Variants in SNED1 observed in about 807,000 individuals in gnomAD.
SNED1 encodes sushi, nidogen and EGF-like domain-containing protein 1.
A neutral mutation model predicts 166.7 loss-of-function variants in SNED1; 81 were observed. That is an observed-to-expected ratio of 0.49 (90% CI 0.41 to 0.58). The LOEUF (loss-of-function observed/expected upper bound fraction) is 0.58, where lower values mean the gene tolerates loss of function less well. SNED1 is among the 20% of genes least tolerant of loss of function. The pLI is 0.00. For synonymous variants in SNED1, 762 were observed against 822.0 expected (o/e 0.93, Z 1.25); for missense variants, 1,604 against 2,000.2 (o/e 0.80, Z 3.78).
At chr2:241,036,954 C>T (rs2061391076) in intron 5 of SNED1, 39 bp downstream of exon 5, 2 of 1,580,062 alleles carry the variant, frequency 1.3e-6, no homozygotes, top group East Asian at 4.6e-5. Flanking sequence ...CCGCTGGCTG[C>T]GCTGGGCTCA....
Position 241,068,315 on chromosome 2 carries a change from C to T in SNED1, c.3194+368C>T, listed in dbSNP as rs2062549288. ...AGCAGCCCCGAGCTCTCCCAGGAGT[C>T]CCACAGTGGACCCCTCAGAGAGCAG... On this transcript the variant is annotated intron_variant, in intron 22 of 31. Transcript: ENST00000310397. The surrounding 1 kb of genome is among the most constrained non-coding windows in gnomAD (Gnocchi z 5.3). 2.1e-5 allele frequency among the ~76,000 whole-genome samples: 3 copies of T among 142,502 alleles called. No individual in the cohort carries two copies. The highest frequency in any genetic ancestry group is 9.1e-5 in the African/African-American group (3 of 33,044). The allele number at this position is 142,502 out of a possible 152,430, so 93.5% of individuals were successfully genotyped here.
Position 241,073,055 on chromosome 2 carries a change from G to A in SNED1, c.3818-211G>A, listed in dbSNP as rs555905188. On this transcript the variant is annotated intron_variant, in intron 26 of 31. Coordinates refer to ENST00000310397, the MANE Select transcript of SNED1 (RefSeq NM_001080437.3). The surrounding 1 kb of genome is among the most constrained non-coding windows in gnomAD (Gnocchi z 6.6). ...GAGGGGGCCCTGCAAGGGGAAGGCCGAGCCCCTCCAGAGGGTCAGCAGGAG... is the reference window on the plus strand; with the variant it reads ...GAGGGGGCCCTGCAAGGGGAAGGCCAAGCCCCTCCAGAGGGTCAGCAGGAG... 25 of 551,686 alleles carry A rather than the reference G, an allele frequency of 4.5e-5. No individual in the cohort carries two copies. The highest frequency in any genetic ancestry group is 1.9e-4 in the African/African-American group (10 of 53,168). The allele number at this position is 551,686 out of a possible 1,614,324, so 34.2% of individuals were successfully genotyped here. A position where few individuals can be genotyped will look rare whatever the true frequency, so the allele number is the denominator to read the frequency against.
At chr2:241,078,255 C>G (rs370938655) in intron 27 of SNED1, among the ~76,000 whole-genome samples, 1 of 151,552 alleles carries the variant, frequency 6.6e-6, no homozygotes, top group East Asian at 1.9e-4. Flanking sequence ...TGGTGGCGGG[C>G]GCCTGTAGTC....
Position 241,041,120 on chromosome 2 carries a change from G to A in SNED1, c.1273+707G>A, listed in dbSNP as rs181590749. On this transcript the variant is annotated intron_variant, in intron 8 of 31. Coordinates refer to ENST00000310397, the MANE Select transcript of SNED1 (RefSeq NM_001080437.3). The stretch of plus-strand genomic sequence containing the variant: ...CTGTTTTACCCGTAAGACACAGAGG[G>A]TCATGGGCCCTCCATCAGTCTTTGC... 2.7e-3 allele frequency: 874 copies of A among 319,528 alleles called. 4 individuals carry two copies. Among genetic ancestry groups the A allele is most frequent in the African/African-American group, 0.018 (778 of 43,950 alleles). 19.8% of individuals were successfully genotyped at this position (319,528 alleles called of 1,614,324 possible). A position where few individuals can be genotyped will look rare whatever the true frequency, so the allele number is the denominator to read the frequency against.
At chr2:241,031,931 C>G (rs1207813749) in intron 2 of SNED1, among the ~76,000 whole-genome samples, 1 of 152,238 alleles carries the variant, frequency 6.6e-6, no homozygotes, top group East Asian at 1.9e-4. Flanking sequence ...GACTGGACAG[C>G]TGCAATACCA....
chr2:241,066,726 A>G (rs1023147194), intron 21 of SNED1, among the ~76,000 whole-genome samples: 1 of 152,208 alleles, frequency 6.6e-6, no homozygotes, highest in African/African-American at 2.4e-5. Flanking sequence ...ACCTATGGGT[A>G]GCATGGCGGG....
intron 8 of SNED1, chr2:241,040,744 C>A: frequency 2.1e-6 from 1 of 475,168 alleles, no homozygotes; most frequent in South Asian, 1.7e-5. Flanking sequence ...GTCTCCTCTT[C>A]CAGCCTGGGT....
intron 27 of SNED1, among the ~76,000 whole-genome samples, chr2:241,081,357 C>A (rs1050094483): frequency 1.3e-5 from 2 of 152,302 alleles, no homozygotes; most frequent in Middle Eastern, 3.4e-3. Context: ...CCAGTGGGGG[C>A]TCAGCACTGA....
At position 241,020,302 on chromosome 2, in the gene SNED1, C is replaced by T. The variant is rs1353196032; in HGVS notation, c.214-9982C>T. On this transcript the variant is annotated intron_variant, in intron 1 of 31. Coordinates refer to ENST00000310397, the MANE Select transcript of SNED1 (RefSeq NM_001080437.3). Reference sequence around the variant, plus strand: ...CCAGGGTGGCAGCTTCCAGCCCAGCCCCAATACTCACTGGTCTTCTGCTGT... The same window carrying T: ...CCAGGGTGGCAGCTTCCAGCCCAGCTCCAATACTCACTGGTCTTCTGCTGT... 3.3e-5 allele frequency among the ~76,000 whole-genome samples: 5 copies of T among 152,340 alleles called. 1 individual carries two copies. Among genetic ancestry groups the T allele is most frequent in the Admixed American group, 1.3e-4 (2 of 15,304 alleles).
At chr2:241,006,791 A>G (rs2060232797) in intron 1 of SNED1, among the ~76,000 whole-genome samples, 1 of 152,200 alleles carries the variant, frequency 6.6e-6, no homozygotes, top group Admixed American at 6.5e-5. Flanking sequence ...GCTGCTAAAC[A>G]CTAGTCTCCA....
At chr2:241,090,487 C>T in intron 31 of SNED1, 2 of 1,501,164 alleles carry the variant, frequency 1.3e-6, no homozygotes, top group South Asian at 1.3e-5. Flanking sequence ...ATACGTAAAC[C>T]AGTAACATCA....
chr2:241,094,669 A>G lies in SNED1; in HGVS notation c.*3033A>G. 1 of 319,776 alleles carries G rather than the reference A, an allele frequency of 3.1e-6. No homozygotes were observed. The highest frequency in any genetic ancestry group is 6.1e-6 in the Non-Finnish European group (1 of 163,792). 19.8% of individuals were successfully genotyped at this position (319,776 alleles called of 1,614,324 possible). On this transcript the variant is annotated 3_prime_UTR_variant, in exon 32 of 32. Coordinates refer to ENST00000310397, the MANE Select transcript of SNED1 (RefSeq NM_001080437.3). The surrounding 1 kb of genome is among the most constrained non-coding windows in gnomAD (Gnocchi z 4.3). ...GGCCTTAGATGAGTTTCTCAGGCTC[A>G]GCACTGACATTCTGGGCCGGATCAT... is the stretch of plus-strand genomic sequence containing the variant.
rs2061409645 is a variant in SNED1 at position 241,037,424 on chromosome 2, GC to G, written c.1045+72del. 1.6e-5 allele frequency: 17 copies of G among 1,092,360 alleles called. No homozygotes were observed. The Admixed American group carries it at 3.5e-4, about 22-fold the overall frequency. 67.7% of individuals were successfully genotyped at this position (1,092,360 alleles called of 1,614,324 possible). A position where few individuals can be genotyped will look rare whatever the true frequency, so the allele number is the denominator to read the frequency against. ...ATAGCGGGAGACACAGCTGGACAAGGCTGAGGTCTTGGAAGGTCCAGCAGCT... is the reference window on the plus strand; with the variant it reads ...ATAGCGGGAGACACAGCTGGACAAGGTGAGGTCTTGGAAGGTCCAGCAGCT... On this transcript the variant is annotated intron_variant, in intron 6 of 31. Transcript: ENST00000310397.
At chr2:241,025,047 A>G (rs891846434) in intron 1 of SNED1, among the ~76,000 whole-genome samples, 2 of 152,204 alleles carry the variant, frequency 1.3e-5, no homozygotes, top group African/African-American at 2.4e-5. Flanking sequence ...ACCCTAGACC[A>G]GGGGTCCCCA....
At position 241,094,746 on chromosome 2, in the gene SNED1, G is replaced by T; in HGVS notation, c.*3110G>T. ...CTGCAGGATGTTTCACAGCACCCCT[G>T]GCCTCTACCCACTAGAATCCTACAA... On this transcript the variant is annotated 3_prime_UTR_variant, in exon 32 of 32. Transcript: ENST00000310397. The surrounding 1 kb of genome is among the most constrained non-coding windows in gnomAD (Gnocchi z 4.3). 5.4e-6 allele frequency: 1 copy of T among 185,354 alleles called. No individual in the cohort carries two copies. The highest frequency in any genetic ancestry group is 1.1e-5 in the Non-Finnish European group (1 of 87,664). The allele number at this position is 185,354 out of a possible 1,614,324, so 11.5% of individuals were successfully genotyped here. A position where few individuals can be genotyped will look rare whatever the true frequency, so the allele number is the denominator to read the frequency against.
chr2:241,030,244 A>G (rs1284125093), intron 1 of SNED1, 40 bp from the exon 2 acceptor site: 3 of 1,509,650 alleles, frequency 2.0e-6, no homozygotes, highest in South Asian at 2.6e-5. Flanking sequence ...GCCTGCCCAC[A>G]GCCCCCAGTC....
rs772444602 is a variant in SNED1 at position 241,034,550 on chromosome 2, C to T, written c.643-18C>T. On this transcript the variant is annotated intron_variant, in intron 3 of 31. Transcript: ENST00000310397. ...TGGGGAACTGGCCTCCCTCACTCTGCCCCCACCCCACCCCCAGGCTGGCTT... is the reference window on the plus strand; with the variant it reads ...TGGGGAACTGGCCTCCCTCACTCTGTCCCCACCCCACCCCCAGGCTGGCTT... 2.1e-5 allele frequency: 33 copies of T among 1,571,950 alleles called. No individual in the cohort carries two copies. The highest frequency in any genetic ancestry group is 2.6e-5 in the Non-Finnish European group (30 of 1,154,694).
chr2:241,016,878 G>A (rs114145145), intron 1 of SNED1, among the ~76,000 whole-genome samples: 13,047 of 139,010 alleles, frequency 0.094, 1,167 homozygotes, highest in African/African-American at 0.24. Context: ...TGAGACGGAG[G>A]TTTTGCTCTT....
At chr2:241,012,213 G>A (rs767156796) in intron 1 of SNED1, among the ~76,000 whole-genome samples, 6 of 152,194 alleles carry the variant, frequency 3.9e-5, no homozygotes, top group Non-Finnish European at 8.8e-5. Flanking sequence ...CGGCCACAGC[G>A]GCCTCCTGCC....
Sources: allele counts gnomAD v4.1 joint callset (sites outside exome capture counted in the v4.1 genomes callset), GRCh38; gene constraint gnomAD v4.1.1; non-coding constraint Gnocchi (gnomAD v3.1); transcripts MANE v1.5; gene names NCBI Gene and HGNC (gene_info 2026-07-23, HGNC 2026-07-21).